The following CFAP206 variants were observed in gnomAD, a reference collection of about 807,000 sequenced individuals.
The protein encoded by CFAP206 is cilia and flagella associated protein 206, also known as cilia- and flagella-associated protein 206.
A neutral mutation model predicts 65.4 loss-of-function variants in CFAP206; 53 were observed. The observed-to-expected ratio is 0.81, with a 90% CI of 0.65 to 1.02. The LOEUF (loss-of-function observed/expected upper bound fraction) is 1.02, where lower values mean the gene tolerates loss of function less well. Among genes scored for constraint, CFAP206 ranks in the 50% least tolerant of loss-of-function variants. The pLI, the probability that CFAP206 is intolerant of heterozygous loss-of-function variation, is 0.00. For synonymous variants in CFAP206, 250 were observed against 254.4 expected, an observed-to-expected ratio of 0.98 and a Z score of 0.17; for missense variants, 663 against 753.2, an observed-to-expected ratio of 0.88 and a Z score of 1.40.
chr6:87,414,268 A>T (rs1582132056), intron 4 of CFAP206, among the ~76,000 whole-genome samples: 2 of 152,276 alleles, frequency 1.3e-5, no homozygotes, highest in South Asian at 4.1e-4. Flanking sequence ...AAAATGAACG[A>T]TGGGGAGTTT....
chr6:87,445,760 T>C (rs754644691), intron 11 of CFAP206, among the ~76,000 whole-genome samples: 8 of 152,230 alleles, frequency 5.3e-5, no homozygotes, highest in Non-Finnish European at 7.3e-5. Flanking sequence ...TTTCTGGTTC[T>C]AAGTCTTTGA....
chr6:87,408,046 A>G lies in CFAP206; in HGVS notation c.-49A>G, dbSNP rs1404991430. 1 of 985,390 alleles carries G rather than the reference A, an allele frequency of 1.0e-6. No homozygotes were observed. Among genetic ancestry groups the G allele is most frequent in the African/African-American group, 1.7e-5 (1 of 57,310 alleles). The allele number at this position is 985,390 out of a possible 1,614,324, so 61.0% of individuals were successfully genotyped here. A position where few individuals can be genotyped will look rare whatever the true frequency, so the allele number is the denominator to read the frequency against. ...CGACCGTCGCGGTGAGGGCCCCAGG[A>G]CAGAAGCAGACAGACACGGCTCCTG... On this transcript the variant is annotated 5_prime_UTR_variant, in exon 1 of 13. Coordinates refer to ENST00000369562, the MANE Select transcript of CFAP206 (RefSeq NM_001031743.3).
intron 7 of CFAP206, chr6:87,426,128 A>G (rs1274091947): frequency 1.3e-5 from 2 of 153,494 alleles, no homozygotes; most frequent in African/African-American, 2.4e-5. Context: ...GTTTTTCTCA[A>G]TGTGATTTTA....
At chr6:87,422,556 C>T (rs1299673340) in intron 7 of CFAP206, among the ~76,000 whole-genome samples, 1 of 151,514 alleles carries the variant, frequency 6.6e-6, no homozygotes, top group Non-Finnish European at 1.5e-5. Flanking sequence ...TCAAGACCAG[C>T]CTGACCAAGA....
intron 1 of CFAP206, among the ~76,000 whole-genome samples, chr6:87,409,033 G>T (rs1268655279): frequency 8.3e-5 from 12 of 145,136 alleles, no homozygotes; most frequent in Non-Finnish European, 1.8e-4. Context: ...TTTTTTTATC[G>T]AGAGTCTGAA....
Position 87,408,012 on chromosome 6 carries a change from C to A in CFAP206, c.-83C>A, listed in dbSNP as rs1246753178. ...TTACGCGGCGGTGGCTGCGAGCGCCCAACTGCTCCGACCGTCGCGGTGAGG... is the reference window on the plus strand; with the variant it reads ...TTACGCGGCGGTGGCTGCGAGCGCCAAACTGCTCCGACCGTCGCGGTGAGG... On this transcript the variant is annotated 5_prime_UTR_variant, in exon 1 of 13. Coordinates refer to ENST00000369562, the MANE Select transcript of CFAP206 (RefSeq NM_001031743.3). 9 of 985,514 alleles carry A rather than the reference C, an allele frequency of 9.1e-6. No individual in the cohort carries two copies. The highest frequency in any genetic ancestry group is 9.6e-6 in the Non-Finnish European group (8 of 830,128). 61.0% of individuals were successfully genotyped at this position (985,514 alleles called of 1,614,324 possible). A position where few individuals can be genotyped will look rare whatever the true frequency, so the allele number is the denominator to read the frequency against.
chr6:87,428,758 G>A lies in CFAP206; in HGVS notation c.1093G>A (p.Val365Met). 1 of 1,614,140 alleles carries A rather than the reference G, an allele frequency of 6.2e-7. No individual in the cohort carries two copies. The highest frequency in any genetic ancestry group is 1.1e-5 in the South Asian group (1 of 91,080). ...TCACGAACTATACTTTCCTGAGAGA[G>A]TGATGCAATGTCATCTTAATGGAGC... ...GAHELYFPER[V>M]MQCHLNGATV... Residue 365 changes from valine (V) to methionine (M), a missense_variant, in exon 9 of 13, where the codon GTG becomes ATG. Val to Met is a conservative substitution (Grantham distance 21). Transcript: ENST00000369562.
intron 7 of CFAP206, among the ~76,000 whole-genome samples, chr6:87,424,996 A>G (rs1430811146): frequency 6.6e-6 from 1 of 152,238 alleles, no homozygotes; most frequent in Non-Finnish European, 1.5e-5. Context: ...AAATATGTTA[A>G]TAGAATACTA....
intron 7 of CFAP206, among the ~76,000 whole-genome samples, chr6:87,421,626 C>T (rs1283685870): frequency 1.3e-5 from 2 of 152,178 alleles, no homozygotes; most frequent in Admixed American, 1.3e-4. Context: ...TTTGTTGACT[C>T]TTAACTGAGA....
intron 11 of CFAP206, among the ~76,000 whole-genome samples, chr6:87,457,521 A>G (rs1768668835): frequency 6.6e-6 from 1 of 152,248 alleles, no homozygotes; most frequent in African/African-American, 2.4e-5. Context: ...CCATACATCT[A>G]CTGTGAACTT....
intron 11 of CFAP206, among the ~76,000 whole-genome samples, chr6:87,448,666 C>T (rs1233668901): frequency 6.6e-6 from 1 of 152,156 alleles, no homozygotes; most frequent in African/African-American, 2.4e-5. Flanking sequence ...CTTCCCTTCC[C>T]AGCCTCTGGT....
At chr6:87,426,699 T>C in intron 8 of CFAP206, 54 bp downstream of exon 8, 1 of 1,341,196 alleles carries the variant, frequency 7.5e-7, no homozygotes, top group Non-Finnish European at 9.9e-7. Flanking sequence ...TTGAGCCCTA[T>C]AATATTGGAT....
At chr6:87,435,223 A>G in intron 11 of CFAP206, 170 bp downstream of exon 11, 1 of 480,758 alleles carries the variant, frequency 2.1e-6, no homozygotes, top group East Asian at 3.5e-5. Flanking sequence ...TAATTGAATC[A>G]AAGAATAATG....
intron 11 of CFAP206, among the ~76,000 whole-genome samples, chr6:87,449,256 G>A (rs1278306261): frequency 6.6e-6 from 1 of 151,960 alleles, no homozygotes; most frequent in Non-Finnish European, 1.5e-5. Context: ...CTAACATGGT[G>A]AAACCCCGTC....
chr6:87,434,496 C>A (rs1338713916), intron 10 of CFAP206, among the ~76,000 whole-genome samples: 13 of 127,160 alleles, frequency 1.0e-4, no homozygotes, highest in African/African-American at 3.7e-4. Flanking sequence ...ATTTCTTTTT[C>A]TTTTTCTTTT....
chr6:87,452,470 A>G (rs1283933320), intron 11 of CFAP206, among the ~76,000 whole-genome samples: 1 of 152,136 alleles, frequency 6.6e-6, no homozygotes, highest in Non-Finnish European at 1.5e-5. Context: ...ACATGACCTC[A>G]CCAAACAAAC....
chr6:87,448,076 T>C (rs1453507172), intron 11 of CFAP206, among the ~76,000 whole-genome samples: 1 of 151,544 alleles, frequency 6.6e-6, no homozygotes. Flanking sequence ...ATCTACATTA[T>C]GTGTTTCTCC....
rs180784975 is a variant in CFAP206, at chr6:87,464,390, T to C, written c.*140T>C. 3 of 514,356 alleles carry C rather than the reference T, an allele frequency of 5.8e-6. No individual in the cohort carries two copies. Among genetic ancestry groups the C allele is most frequent in the Non-Finnish European group, 9.7e-6 (3 of 308,822 alleles). The allele number at this position is 514,356 out of a possible 1,614,324, so 31.9% of individuals were successfully genotyped here. On this transcript the variant is annotated 3_prime_UTR_variant, in exon 13 of 13. Coordinates refer to ENST00000369562, the MANE Select transcript of CFAP206 (RefSeq NM_001031743.3). ...TGTGACTGTTTATTGGGTTCCCATA[T>C]TTTATCAAACTGTTTTCTGTAACAC... is the stretch of plus-strand genomic sequence containing the variant.
chr6:87,439,068 T>A (rs1438537513), intron 11 of CFAP206, among the ~76,000 whole-genome samples: 4 of 152,186 alleles, frequency 2.6e-5, no homozygotes, highest in Non-Finnish European at 5.9e-5. Flanking sequence ...GTTTTCAAAA[T>A]TTTCCATGTA....
Sources: gnomAD v4.1 joint callset for allele counts (sites outside exome capture counted in the v4.1 genomes callset) on GRCh38, gnomAD v4.1.1 for gene constraint, MANE v1.5 for transcripts, NCBI Gene and HGNC (gene_info 2026-07-23, HGNC 2026-07-21) for gene names.